The following DIRAS1 variants were observed in gnomAD, a reference collection of about 807,000 sequenced individuals.
The protein encoded by DIRAS1 is GTP-binding protein Di-Ras1.
Under a neutral mutation model 11.5 loss-of-function variants are expected in DIRAS1, and 3 were observed. The ratio of observed to expected loss-of-function variants is 0.26; its 90% CI spans 0.12 to 0.67. The LOEUF (loss-of-function observed/expected upper bound fraction) is 0.67, where lower values mean the gene tolerates loss of function less well. Among genes scored for constraint, DIRAS1 ranks in the 30% least tolerant of loss-of-function variants. The pLI, the probability that DIRAS1 is intolerant of heterozygous loss-of-function variation, is 0.80. For synonymous variants in DIRAS1, 128 were observed against 125.8 expected (o/e 1.02, Z -0.12); for missense variants, 212 against 285.3 (o/e 0.74, Z 1.85).
rs1913841390 is a variant in DIRAS1, at chr19:2,717,300, C to T, written c.507G>A (p.Thr169=). Residue 169 remains threonine, a synonymous_variant, in exon 2 of 2, where the codon ACG becomes ACA. Transcript: ENST00000323469. ...ELFQELLTLE[T]RRNMSLNIDG... is the part of the protein sequence containing the mutation. The stretch of plus-strand genomic sequence containing the variant: ...CGATGTTGAGGCTCATGTTCCGGCG[C>T]GTCTCCAGCGTCAGCAGCTCCTGGA... 2 of 1,612,360 alleles carry T rather than the reference C, an allele frequency of 1.2e-6. No homozygotes were observed. The highest frequency in any genetic ancestry group is 1.7e-4 in the Middle Eastern group (1 of 6,060).
At position 2,716,028 on chromosome 19, in the gene DIRAS1, G is replaced by C. The variant is rs970201755; in HGVS notation, c.*1182C>G. 1 of 152,266 alleles carries C rather than the reference G, an allele frequency of 6.6e-6. No individual in the cohort carries two copies. Among genetic ancestry groups the C allele is most frequent in the African/African-American group, 2.4e-5 (1 of 41,402 alleles). 9.4% of individuals were successfully genotyped at this position (152,266 alleles called of 1,614,324 possible). ...CAGACAGACACACACAGGTATACAC[G>C]CAGATGCACTTAGATACAAGTCACC... On this transcript the variant is annotated 3_prime_UTR_variant, in exon 2 of 2. Transcript: ENST00000323469.
Position 2,717,712 on chromosome 19 carries a change from A to G in DIRAS1, c.95T>C (p.Phe32Ser), listed in dbSNP as rs1913857027. The G allele has an allele frequency of 6.2e-7, 1 of 1,609,528 alleles. No individual in the cohort carries two copies. The highest frequency in any genetic ancestry group is 1.3e-5 in the African/African-American group (1 of 74,934). The part of the protein sequence containing the change: ...SLVLRFVKGT[F>S]RDTYIPTIED... ...GATGGTGGGGATGTAGGTGTCGCGGAACGTGCCCTTCACGAAGCGCAGCAC... is the reference window on the plus strand; with the variant it reads ...GATGGTGGGGATGTAGGTGTCGCGGGACGTGCCCTTCACGAAGCGCAGCAC... Residue 32 changes from phenylalanine to serine, a missense_variant, in exon 2 of 2, where the codon TTC becomes TCC. Coordinates refer to ENST00000323469, the MANE Select transcript of DIRAS1 (RefSeq NM_145173.4).
rs1042386071 is a variant in DIRAS1, at chr19:2,720,516, G to A, written c.-70+788C>T. The stretch of plus-strand genomic sequence containing the variant: ...GAGCAGGGGGGTGGAGGCGCACAGC[G>A]GGGCTGGAAGCCCACCCTGCTTGGC... On this transcript the variant is annotated intron_variant, in intron 1 of 1. Coordinates refer to ENST00000323469, the MANE Select transcript of DIRAS1 (RefSeq NM_145173.4). Among the ~76,000 whole-genome samples the A allele has an allele frequency of 1.1e-4, 16 of 152,320 alleles. No homozygotes were observed. In the East Asian group the frequency reaches 1.5e-3, roughly 15 times the overall value.
intron 1 of DIRAS1, 75 bp from the exon 2 acceptor site, chr19:2,717,950 GA>G (rs1017161048): frequency 1.3e-4 from 110 of 860,116 alleles, no homozygotes; most frequent in Admixed American, 6.5e-4. Context: ...GGGGAGGGAG[GA>G]GGACATGGCG....
Position 2,717,690 on chromosome 19 carries a change from G to T in DIRAS1, c.117C>A (p.Thr39=). The change falls in exon 2 of 2, where the codon ACC becomes ACA. Residue 39 remains threonine, a synonymous_variant. Coordinates refer to ENST00000323469, the MANE Select transcript of DIRAS1 (RefSeq NM_145173.4). The part of the protein sequence containing the change: ...KGTFRDTYIP[T]IEDTYRQVIS... ...TCACCTGCCGGTAGGTGTCCTCGAT[G>T]GTGGGGATGTAGGTGTCGCGGAACG... 1 of 1,611,922 alleles carries T rather than the reference G, an allele frequency of 6.2e-7. No individual in the cohort carries two copies. Among genetic ancestry groups the T allele is most frequent in the East Asian group, 2.2e-5 (1 of 44,886 alleles).
chr19:2,717,557 G>A lies in DIRAS1; in HGVS notation c.250C>T (p.Leu84=). The A allele has an allele frequency of 6.2e-7, 1 of 1,613,278 alleles. No homozygotes were observed. The highest frequency in any genetic ancestry group is 8.5e-7 in the Non-Finnish European group (1 of 1,179,836). Reference sequence around the variant, plus strand: ...TGCTTGCTGGTGACGGAGAACACCAGGATGAAGGCGTGGCCCTTGGAGATG... The same window carrying A: ...TGCTTGCTGGTGACGGAGAACACCAAGATGAAGGCGTGGCCCTTGGAGATG... ...LSISKGHAFI[L]VFSVTSKQSL... Residue 84 remains leucine (L), a synonymous_variant, in exon 2 of 2, where the codon CTG becomes TTG. Transcript: ENST00000323469.
In DIRAS1 at chr19:2,715,933, C is replaced by G. The variant is rs1215663081; in HGVS notation, c.*1277G>C. On this transcript the variant is annotated 3_prime_UTR_variant, in exon 2 of 2. Transcript: ENST00000323469. ...GCTGACAACCACACACAGGTATCTA[C>G]AACTACCCACCTCTCTGTATACCCT... 6.6e-6 allele frequency: 1 copy of G among 152,276 alleles called. No homozygotes were observed. Among genetic ancestry groups the G allele is most frequent in the South Asian group, 2.1e-4 (1 of 4,828 alleles). The allele number at this position is 152,276 out of a possible 1,614,324, so 9.4% of individuals were successfully genotyped here. A position where few individuals can be genotyped will look rare whatever the true frequency, so the allele number is the denominator to read the frequency against.
Position 2,717,048 on chromosome 19 carries a change from G to A in DIRAS1, c.*162C>T, listed in dbSNP as rs1913823199. 1.4e-6 allele frequency: 1 copy of A among 693,890 alleles called. No homozygotes were observed. The highest frequency in any genetic ancestry group is 2.3e-6 in the Non-Finnish European group (1 of 425,834). 43.0% of individuals were successfully genotyped at this position (693,890 alleles called of 1,614,324 possible). A position where few individuals can be genotyped will look rare whatever the true frequency, so the allele number is the denominator to read the frequency against. On this transcript the variant is annotated 3_prime_UTR_variant, in exon 2 of 2. Transcript: ENST00000323469. ...AAGAAAAGCCCCAGCCCTGCCTCGG[G>A]GTGGGCAGGGGCAGCGGAGGGGGGG...
rs765853416 is a variant in DIRAS1 at position 2,717,883 on chromosome 19, G to A, written c.-69-8C>T. 4 of 1,420,120 alleles carry A rather than the reference G, an allele frequency of 2.8e-6. No individual in the cohort carries two copies. The South Asian group carries it at 4.0e-5, about 14-fold the overall frequency. 88.0% of individuals were successfully genotyped at this position (1,420,120 alleles called of 1,614,324 possible). On this transcript the variant is annotated splice_region_variant and splice_polypyrimidine_tract_variant and intron_variant, in intron 1 of 1. Transcript: ENST00000323469. Reference sequence around the variant, plus strand: ...AAGAACCCCAGACCGAGCCTGTGCAGAGAGGAGGGTCACACGTCAAAGGCC... The same window carrying A: ...AAGAACCCCAGACCGAGCCTGTGCAAAGAGGAGGGTCACACGTCAAAGGCC...
intron 1 of DIRAS1, 75 bp from the exon 2 acceptor site, chr19:2,717,950 G>A (rs1405232012): frequency 2.3e-6 from 2 of 860,116 alleles, no homozygotes; most frequent in Admixed American, 2.8e-5. Flanking sequence ...GGGGAGGGAG[G>A]AGGACATGGC....
chr19:2,715,743 G>C lies in DIRAS1; in HGVS notation c.*1467C>G, dbSNP rs62121111. Reference sequence around the variant, plus strand: ...TTTGGAACCGAAAGTCACATTGCTAGAGTCATGTTGCTATAGAGTGGAACA... The same window carrying C: ...TTTGGAACCGAAAGTCACATTGCTACAGTCATGTTGCTATAGAGTGGAACA... On this transcript the variant is annotated 3_prime_UTR_variant, in exon 2 of 2. Transcript: ENST00000323469. 29,625 of 152,190 alleles carry C rather than the reference G, an allele frequency of 0.19. 3,680 individuals are homozygous for C. The highest frequency in any genetic ancestry group is 0.56 in the East Asian group (2,896 of 5,176). The allele number at this position is 152,190 out of a possible 1,614,324, so 9.4% of individuals were successfully genotyped here. A position where few individuals can be genotyped will look rare whatever the true frequency, so the allele number is the denominator to read the frequency against.
rs1239878053 is a variant in DIRAS1, at chr19:2,716,598, G to A, written c.*612C>T. On this transcript the variant is annotated 3_prime_UTR_variant, in exon 2 of 2. Coordinates refer to ENST00000323469, the MANE Select transcript of DIRAS1 (RefSeq NM_145173.4). ...CCCTGTGGTTATTGCCTGGTGGCCT[G>A]AGGCCCATCCCACGGGCCCCACACC... 1.3e-5 allele frequency: 2 copies of A among 152,918 alleles called. No homozygotes were observed. The highest frequency in any genetic ancestry group is 3.9e-4 in the East Asian group (2 of 5,154). The allele number at this position is 152,918 out of a possible 1,614,324, so 9.5% of individuals were successfully genotyped here.
In DIRAS1 at chr19:2,718,674, C is replaced by A. The variant is rs183182054; in HGVS notation, c.-69-799G>T. 6.6e-6 allele frequency among the ~76,000 whole-genome samples: 1 copy of A among 152,282 alleles called. No homozygotes were observed. Among genetic ancestry groups the A allele is most frequent in the African/African-American group, 2.4e-5 (1 of 41,548 alleles). ...CCAAGTAGCTAGGATTACAGGCATG[C>A]ACCACAAAGCCCGGCTAATTTTATA... On this transcript the variant is annotated intron_variant, in intron 1 of 1. Transcript: ENST00000323469. This position sits in a 1 kb window ranked among gnomAD's most constrained non-coding sequence, Gnocchi z 4.2.
At chr19:2,720,002 C>G (rs1465036001) in intron 1 of DIRAS1, among the ~76,000 whole-genome samples, 1 of 152,234 alleles carries the variant, frequency 6.6e-6, no homozygotes, top group Non-Finnish European at 1.5e-5. Flanking sequence ...CGCCAGCTGA[C>G]ACAGTCCCCA....
Position 2,715,363 on chromosome 19 carries a change from G to C in DIRAS1, c.*1847C>G, listed in dbSNP as rs1168222670. Reference sequence around the variant, plus strand: ...CATCTCACCTTCCCTCACTAACTTAGCTGCCATGCTCCGAGCCCCGCTGTG... The same window carrying C: ...CATCTCACCTTCCCTCACTAACTTACCTGCCATGCTCCGAGCCCCGCTGTG... On this transcript the variant is annotated 3_prime_UTR_variant, in exon 2 of 2. Coordinates refer to ENST00000323469, the MANE Select transcript of DIRAS1 (RefSeq NM_145173.4). 5 of 152,070 alleles carry C rather than the reference G, an allele frequency of 3.3e-5. No individual in the cohort carries two copies. The highest frequency in any genetic ancestry group is 1.2e-4 in the African/African-American group (5 of 41,354). The allele number at this position is 152,070 out of a possible 1,614,324, so 9.4% of individuals were successfully genotyped here. A position where few individuals can be genotyped will look rare whatever the true frequency, so the allele number is the denominator to read the frequency against.
rs1199077639 is a variant in DIRAS1, at chr19:2,718,258, C to G, written c.-69-383G>C. On this transcript the variant is annotated intron_variant, in intron 1 of 1. Coordinates refer to ENST00000323469, the MANE Select transcript of DIRAS1 (RefSeq NM_145173.4). The surrounding 1 kb of genome is among the most constrained non-coding windows in gnomAD (Gnocchi z 4.2). ...GGCCCCTGGAAGCTAGCAGGCCTGG[C>G]TTCCACCTCTCGCTCCACACCTGCC... Among the ~76,000 whole-genome samples, 2 of 151,692 alleles carry G rather than the reference C, an allele frequency of 1.3e-5. No homozygotes were observed. The highest frequency in any genetic ancestry group is 4.8e-5 in the African/African-American group (2 of 41,250).
At position 2,721,326 on chromosome 19, in the gene DIRAS1, C is replaced by A. The variant is rs1178397995; in HGVS notation, c.-92G>T. 3 of 147,142 alleles carry A rather than the reference C, an allele frequency of 2.0e-5. No homozygotes were observed. The highest frequency in any genetic ancestry group is 4.5e-5 in the Non-Finnish European group (3 of 65,944). The allele number at this position is 147,142 out of a possible 1,614,324, so 9.1% of individuals were successfully genotyped here. On this transcript the variant is annotated 5_prime_UTR_variant, in exon 1 of 2. Coordinates refer to ENST00000323469, the MANE Select transcript of DIRAS1 (RefSeq NM_145173.4). Reference sequence around the variant, plus strand: ...TACCTGGGCCCGCTGGTCCCTGCGGCGCCGCGGCCGCTGCTCCTGCCCGCT... The same window carrying A: ...TACCTGGGCCCGCTGGTCCCTGCGGAGCCGCGGCCGCTGCTCCTGCCCGCT...
Position 2,717,085 on chromosome 19 carries a change from G to T in DIRAS1, c.*125C>A. 1.8e-6 allele frequency: 2 copies of T among 1,090,940 alleles called. No individual in the cohort carries two copies. The highest frequency in any genetic ancestry group is 1.6e-5 in the South Asian group (1 of 63,332). The allele number at this position is 1,090,940 out of a possible 1,614,324, so 67.6% of individuals were successfully genotyped here. A position where few individuals can be genotyped will look rare whatever the true frequency, so the allele number is the denominator to read the frequency against. ...CAGCGGAGGGGGGGGCGGTGGCCTCGGTTTCCCCAGCCGAGGTGTCGGAGG... is the reference window on the plus strand; with the variant it reads ...CAGCGGAGGGGGGGGCGGTGGCCTCTGTTTCCCCAGCCGAGGTGTCGGAGG... On this transcript the variant is annotated 3_prime_UTR_variant, in exon 2 of 2. Coordinates refer to ENST00000323469, the MANE Select transcript of DIRAS1 (RefSeq NM_145173.4).
rs978656962 is a variant in DIRAS1 at position 2,718,024 on chromosome 19, T to C, written c.-69-149A>G. On this transcript the variant is annotated intron_variant, in intron 1 of 1. Coordinates refer to ENST00000323469, the MANE Select transcript of DIRAS1 (RefSeq NM_145173.4). The surrounding 1 kb of genome is among the most constrained non-coding windows in gnomAD (Gnocchi z 4.2). ...CTGAAAAGGCCCATTTGCTTGTGGC[T>C]GACTTTGCAGTTCTGTCCCACAGGC... 7 of 595,562 alleles carry C rather than the reference T, an allele frequency of 1.2e-5. No individual in the cohort carries two copies. The allele number at this position is 595,562 out of a possible 1,614,324, so 36.9% of individuals were successfully genotyped here.
Sources: allele counts gnomAD v4.1 joint callset (sites outside exome capture counted in the v4.1 genomes callset), GRCh38; gene constraint gnomAD v4.1.1; non-coding constraint Gnocchi (gnomAD v3.1); transcripts MANE v1.5; gene names NCBI Gene and HGNC (gene_info 2026-07-23, HGNC 2026-07-21).